The following BRINP3 variants were observed in gnomAD, a reference collection of about 807,000 sequenced individuals.
BRINP3 encodes the protein BMP/retinoic acid-inducible neural-specific protein 3.
BRINP3 carries 19 observed loss-of-function variants against 71.0 expected under a neutral mutation model. The ratio of observed to expected loss-of-function variants is 0.27; its 90% CI spans 0.19 to 0.39. The LOEUF (loss-of-function observed/expected upper bound fraction) is 0.39. Among genes scored for constraint, BRINP3 ranks in the 10% least tolerant of loss-of-function variants. BRINP3 has a pLI of 1.00. For missense variants in BRINP3, 959 were observed against 940.8 expected, an observed-to-expected ratio of 1.02 and a Z score of -0.25; for synonymous variants, 380 against 337.7, an observed-to-expected ratio of 1.13 and a Z score of -1.37.
intron 1 of BRINP3, among the ~76,000 whole-genome samples, chr1:190,457,908 T>C (rs931894809): frequency 2.0e-5 from 3 of 150,880 alleles, no homozygotes; most frequent in East Asian, 1.9e-4. Flanking sequence ...ATAGTCTTCA[T>C]ATCCCCTCAT....
intron 2 of BRINP3, among the ~76,000 whole-genome samples, chr1:190,407,364 C>T (rs1672350629): frequency 1.3e-5 from 2 of 152,058 alleles, no homozygotes; most frequent in Non-Finnish European, 2.9e-5. Context: ...TGAGTGTCCT[C>T]CCAATTGGAC....
intron 6 of BRINP3, among the ~76,000 whole-genome samples, chr1:190,186,612 T>G (rs1479431852): frequency 3.9e-5 from 6 of 152,156 alleles, no homozygotes; most frequent in African/African-American, 1.4e-4. Context: ...TTTACCAGAC[T>G]TAGCCTGAGT....
intron 1 of BRINP3, among the ~76,000 whole-genome samples, chr1:190,461,831 TG>T (rs1326055685): frequency 6.6e-6 from 1 of 152,150 alleles, no homozygotes; most frequent in Admixed American, 6.6e-5. Flanking sequence ...GGGAGCAAAT[TG>T]AGTTATGAGG....
intron 6 of BRINP3, among the ~76,000 whole-genome samples, chr1:190,170,100 AC>A (rs779310309): frequency 7.6e-4 from 116 of 152,264 alleles, no homozygotes; most frequent in Non-Finnish European, 1.5e-3. Context: ...TATTCCCTAC[AC>A]TTAAAGAGTG....
intron 2 of BRINP3, among the ~76,000 whole-genome samples, chr1:190,450,205 C>T (rs1188637393): frequency 6.6e-6 from 1 of 152,102 alleles, no homozygotes; most frequent in Non-Finnish European, 1.5e-5. Flanking sequence ...CTATTAGGAT[C>T]CAACTCTGGG....
intron 7 of BRINP3, among the ~76,000 whole-genome samples, chr1:190,117,934 C>T (rs1339921422): frequency 1.3e-5 from 2 of 151,776 alleles, no homozygotes; most frequent in Non-Finnish European, 1.5e-5. Flanking sequence ...ATTTTGGATT[C>T]GATGATGTAT....
intron 2 of BRINP3, among the ~76,000 whole-genome samples, chr1:190,296,917 A>C (rs1342396316): frequency 1.3e-5 from 2 of 152,242 alleles, no homozygotes; most frequent in East Asian, 1.9e-4. Flanking sequence ...ACATAAAAAA[A>C]TGAAAAATTA....
intron 2 of BRINP3, among the ~76,000 whole-genome samples, chr1:190,332,604 C>T (rs1024258120): frequency 6.6e-6 from 1 of 151,998 alleles, no homozygotes; most frequent in African/African-American, 2.4e-5. Flanking sequence ...CTCAAAACAA[C>T]AGGCTCCTTC....
chr1:190,295,255 G>C lies in BRINP3; in HGVS notation c.237-13505C>G, dbSNP rs537972683. 7.2e-5 allele frequency among the ~76,000 whole-genome samples: 11 copies of C among 152,194 alleles called. 1 individual carries two copies. The South Asian group carries it at 2.3e-3, about 31-fold the overall frequency. The stretch of plus-strand genomic sequence containing the variant: ...TCCCTTCTGGCCCAGGATGGATCTA[G>C]AAGTGCCAAGCAGCTCACTTGGTTC... On this transcript the variant is annotated intron_variant, in intron 2 of 7. Transcript: ENST00000367462.
chr1:190,175,511 G>A (rs946024126), intron 6 of BRINP3, among the ~76,000 whole-genome samples: 3 of 152,056 alleles, frequency 2.0e-5, no homozygotes, highest in African/African-American at 7.2e-5. Flanking sequence ...CAGGAATGTT[G>A]TGTTTATTTA....
intron 6 of BRINP3, among the ~76,000 whole-genome samples, chr1:190,164,920 G>A (rs983631276): frequency 6.6e-6 from 1 of 151,830 alleles, no homozygotes; most frequent in Non-Finnish European, 1.5e-5. Flanking sequence ...GTTAACATGA[G>A]GTAAAACTCT....
intron 2 of BRINP3, among the ~76,000 whole-genome samples, chr1:190,397,070 G>A (rs1025303988): frequency 1.3e-5 from 2 of 151,858 alleles, no homozygotes; most frequent in African/African-American, 4.8e-5. Flanking sequence ...TGTGGACTAA[G>A]AATTAATTGG....
intron 1 of BRINP3, among the ~76,000 whole-genome samples, chr1:190,455,706 C>T (rs1271098594): frequency 6.6e-6 from 1 of 151,922 alleles, no homozygotes; most frequent in Non-Finnish European, 1.5e-5. Flanking sequence ...TTTAAATGTG[C>T]ATCTGTCTTA....
chr1:190,440,891 C>G (rs1343332979), intron 2 of BRINP3, among the ~76,000 whole-genome samples: 1 of 151,772 alleles, frequency 6.6e-6, no homozygotes, highest in Non-Finnish European at 1.5e-5. Flanking sequence ...GAAAACAATT[C>G]TAATAAAAAA....
intron 2 of BRINP3, among the ~76,000 whole-genome samples, chr1:190,409,566 T>C (rs949755075): frequency 1.3e-5 from 2 of 152,184 alleles, no homozygotes; most frequent in Non-Finnish European, 1.5e-5. Context: ...TTTTACAAGC[T>C]GATCATTCTT....
chr1:190,236,270 G>A (rs1470373860), intron 4 of BRINP3, among the ~76,000 whole-genome samples: 2 of 151,996 alleles, frequency 1.3e-5, no homozygotes, highest in African/African-American at 4.8e-5. Flanking sequence ...AAAATATGAA[G>A]TTAAGAAGCT....
intron 7 of BRINP3, among the ~76,000 whole-genome samples, chr1:190,114,282 G>T (rs958193986): frequency 1.3e-5 from 2 of 152,078 alleles, no homozygotes; most frequent in Non-Finnish European, 2.9e-5. Flanking sequence ...GCAGTTGCCA[G>T]TACTATGCTT....
intron 7 of BRINP3, among the ~76,000 whole-genome samples, chr1:190,119,277 T>G (rs926732172): frequency 1.0e-4 from 3 of 29,292 alleles, no homozygotes; most frequent in African/African-American, 1.0e-3. Context: ...TTTTATTTTA[T>G]TATTATTATT....
intron 2 of BRINP3, among the ~76,000 whole-genome samples, chr1:190,453,132 T>TA (rs1345342301): frequency 1.5e-5 from 2 of 134,320 alleles, no homozygotes; most frequent in Admixed American, 7.9e-5. Context: ...TAAACACACA[T>TA]AAAAATAAAT....
Sources: gnomAD v4.1 joint callset for allele counts (sites outside exome capture counted in the v4.1 genomes callset) on GRCh38, gnomAD v4.1.1 for gene constraint, MANE v1.5 for transcripts, NCBI Gene and HGNC (gene_info 2026-07-23, HGNC 2026-07-21) for gene names.